The following MED23 variants were observed in gnomAD, a reference collection of about 807,000 sequenced individuals.
MED23 encodes the protein mediator of RNA polymerase II transcription subunit 23.
Under a neutral mutation model 163.9 loss-of-function variants are expected in MED23, and 105 were observed. The ratio of observed to expected loss-of-function variants is 0.64; its 90% CI spans 0.55 to 0.75. The LOEUF (loss-of-function observed/expected upper bound fraction) is 0.75. Among genes scored for constraint, MED23 ranks in the 30% least tolerant of loss-of-function variants. The probability of loss-of-function intolerance (pLI) is 0.00; values close to 1 mark genes in which losing one functional copy is unlikely to be tolerated. For missense variants in MED23, 1,054 were observed against 1,649.0 expected (o/e 0.64, Z 6.25); for synonymous variants, 561 against 565.6 (o/e 0.99, Z 0.12).
chr6:131,591,239 A>G, intron 26 of MED23, 74 bp downstream of exon 26: 1 of 1,195,050 alleles, frequency 8.4e-7, no homozygotes, highest in African/African-American at 1.5e-5. Flanking sequence ...CGGCCTCCCA[A>G]AGTGCTGGGA....
intron 5 of MED23, 85 bp downstream of exon 5, chr6:131,623,266 T>C (rs1168235271): frequency 5.6e-6 from 6 of 1,080,448 alleles, no homozygotes; most frequent in Non-Finnish European, 8.6e-6. Context: ...TTCCACATCA[T>C]TTCTCTCACC....
downstream of MED23, among the ~76,000 whole-genome samples, chr6:131,586,386 C>T (rs951280788): frequency 1.2e-4 from 18 of 146,656 alleles, no homozygotes; most frequent in Non-Finnish European, 2.1e-4. Context: ...GGTGACAGTA[C>T]GAGACTCCGT....
intron 10 of MED23, chr6:131,615,191 A>T: frequency 2.5e-6 from 2 of 789,660 alleles, no homozygotes; most frequent in Non-Finnish European, 3.9e-6. Flanking sequence ...ATCGTTTTTT[A>T]GTGGCCTTGG....
intron 27 of MED23, 52 bp downstream of exon 27, chr6:131,590,266 TTAAA>T (rs1373919556): frequency 1.8e-5 from 27 of 1,534,876 alleles, no homozygotes; most frequent in Non-Finnish European, 2.3e-5. Flanking sequence ...GTAAAGAAAC[TTAAA>T]TAGATACTTC....
chr6:131,608,139 T>C (rs1264301332), intron 11 of MED23, 68 bp from the exon 12 acceptor site: 16 of 1,559,286 alleles, frequency 1.0e-5, no homozygotes, highest in East Asian at 6.8e-5. Flanking sequence ...GAAGTTTTTG[T>C]TGTTTTTTTG....
chr6:131,595,883 G>T, intron 22 of MED23, 64 bp downstream of exon 22: 1 of 1,225,678 alleles, frequency 8.2e-7, no homozygotes, highest in African/African-American at 1.5e-5. Flanking sequence ...TTACCATGTG[G>T]TCCTGCCCAT....
intron 30 of MED23, among the ~76,000 whole-genome samples, chr6:131,580,254 A>C (rs532523411): frequency 6.6e-6 from 1 of 152,174 alleles, no homozygotes; most frequent in African/African-American, 2.4e-5. Flanking sequence ...TCTGTATCAA[A>C]ACTGCAATTG....
At chr6:131,622,564 T>C (rs967690547) in intron 5 of MED23, among the ~76,000 whole-genome samples, 1 of 152,208 alleles carries the variant, frequency 6.6e-6, no homozygotes, top group African/African-American at 2.4e-5. Flanking sequence ...TTATTGACTA[T>C]GAACTACGTA....
chr6:131,615,957 G>A lies in MED23; in HGVS notation c.826C>T (p.Gln276Ter). 6.2e-7 allele frequency: 1 copy of A among 1,613,776 alleles called. No homozygotes were observed. Among genetic ancestry groups the A allele is most frequent in the Non-Finnish European group, 8.5e-7 (1 of 1,179,830 alleles). The change falls in exon 10 of 29, where the codon CAG becomes TAG. Residue 276 changes from glutamine (Q) to a stop codon, truncating the protein, a stop_gained. Coordinates refer to ENST00000368068, the MANE Select transcript of MED23 (RefSeq NM_004830.4). LOFTEE classifies it high-confidence loss of function. ...QTALLRYVLEQPYSRDMVCNM... is the reference protein window; with the variant it reads ...QTALLRYVLE ...CAGACCATATCCCTGGAATAAGGCT[G>A]CTCCAATACATATCTCAACAAAGCA...
chr6:131,592,572 C>A, intron 24 of MED23, 112 bp from the exon 25 acceptor site: 1 of 900,828 alleles, frequency 1.1e-6, no homozygotes, highest in Non-Finnish European at 1.8e-6. Flanking sequence ...GACAACTAAT[C>A]CATTTCAATA....
At chr6:131,615,173 A>G in intron 10 of MED23, 1 of 650,952 alleles carries the variant, frequency 1.5e-6, no homozygotes, top group East Asian at 3.1e-5. Context: ...CTCATATCCC[A>G]AGAAGAAATC....
upstream of MED23, chr6:131,628,244 G>C (rs908997246): frequency 1.3e-5 from 8 of 628,834 alleles, no homozygotes; most frequent in African/African-American, 1.5e-4. Context: ...ACGGAAGACG[G>C]GAAGGGCCCG....
chr6:131,615,503 CAAAAAAAA>C (rs917020235), intron 10 of MED23, among the ~76,000 whole-genome samples: 10 of 14,160 alleles, frequency 7.1e-4, no homozygotes, highest in African/African-American at 3.0e-3. Context: ...AAACACACAC[CAAAAAAAA>C]AAAAAAAAAA....
intron 11 of MED23, 137 bp from the exon 12 acceptor site, chr6:131,608,208 G>C: frequency 1.1e-6 from 1 of 874,252 alleles, no homozygotes; most frequent in Middle Eastern, 2.8e-4. Flanking sequence ...TCTAACTTTG[G>C]CACTTAGTAA....
chr6:131,597,678 T>C (rs1775169016), intron 20 of MED23, among the ~76,000 whole-genome samples: 1 of 152,038 alleles, frequency 6.6e-6, no homozygotes, highest in Admixed American at 6.6e-5. Flanking sequence ...AGGGTCTAAT[T>C]GCTCATATTT....
At chr6:131,575,570 C>T (rs1773574919) in intron 30 of MED23, among the ~76,000 whole-genome samples, 1 of 152,198 alleles carries the variant, frequency 6.6e-6, no homozygotes, top group Admixed American at 6.5e-5. Flanking sequence ...GGCAAGTCTT[C>T]TGTTCCTTTG....
At chr6:131,580,825 A>G (rs1186914513) in intron 30 of MED23, among the ~76,000 whole-genome samples, 2 of 152,226 alleles carry the variant, frequency 1.3e-5, no homozygotes, top group African/African-American at 4.8e-5. Flanking sequence ...GTATTTACCA[A>G]GAGAGATGAG....
At chr6:131,602,446 T>A (rs1217482214) in intron 16 of MED23, 65 bp from the exon 17 acceptor site, 1 of 1,437,462 alleles carries the variant, frequency 7.0e-7, no homozygotes. Context: ...AAATCTAAGG[T>A]TAATTACAAT....
downstream of MED23, among the ~76,000 whole-genome samples, chr6:131,582,229 A>AC (rs1178628275): frequency 2.6e-5 from 4 of 152,230 alleles, no homozygotes; most frequent in Non-Finnish European, 5.9e-5. Flanking sequence ...TCATATTATC[A>AC]CATTAAGAAT....
Sources: allele counts gnomAD v4.1 joint callset (sites outside exome capture counted in the v4.1 genomes callset), GRCh38; gene constraint gnomAD v4.1.1; transcripts MANE v1.5; gene names NCBI Gene and HGNC (gene_info 2026-07-23, HGNC 2026-07-21).